The following ZNF827 variants were observed in gnomAD, a reference collection of about 807,000 sequenced individuals.
The protein encoded by ZNF827 is zinc finger protein 827.
ZNF827 carries 13 observed loss-of-function variants against 102.4 expected under a neutral mutation model. The observed-to-expected ratio is 0.13, with a 90% CI of 0.08 to 0.20. The LOEUF (loss-of-function observed/expected upper bound fraction) is 0.20, where lower values mean the gene tolerates loss of function less well. Among genes scored for constraint, ZNF827 ranks in the 10% least tolerant of loss-of-function variants. ZNF827 has a pLI of 1.00. For synonymous variants in ZNF827, 523 were observed against 536.2 expected (o/e 0.98, Z 0.34); for missense variants, 1,103 against 1,344.4 (o/e 0.82, Z 2.81).
chr4:145,860,958 T>C (rs930852469), intron 5 of ZNF827, among the ~76,000 whole-genome samples: 2 of 152,246 alleles, frequency 1.3e-5, no homozygotes, highest in Non-Finnish European at 2.9e-5. Context: ...TCTCAGACTA[T>C]ATGCATCTTC....
Position 145,938,798 on chromosome 4 carries a change from G to C in ZNF827, c.-391C>G, listed in dbSNP as rs961897167. Among the ~76,000 whole-genome samples, 5 of 151,834 alleles carry C rather than the reference G, an allele frequency of 3.3e-5. No individual in the cohort carries two copies. The highest frequency in any genetic ancestry group is 1.2e-4 in the African/African-American group (5 of 41,324). On this transcript the variant is annotated 5_prime_UTR_variant, in exon 1 of 15. Coordinates refer to ENST00000508784, the MANE Select transcript of ZNF827 (RefSeq NM_001306215.2). ...GGCGGTGTCTATGGCCGCGCTCTGT[G>C]TCTCCGAGCCCCTAACACTAATGTC...
rs1388689587 is a variant in ZNF827, at chr4:145,765,764, C to T, written c.2861-26G>A. On this transcript the variant is annotated intron_variant, in intron 11 of 14. Transcript: ENST00000508784. This position sits in a 1 kb window ranked among gnomAD's most constrained non-coding sequence, Gnocchi z 4.7. ...CTGAAAAATAAGCAAATAACCCAGT[C>T]TGTTAATGAGATGAAAATCCTCAGA... 6.2e-7 allele frequency: 1 copy of T among 1,604,402 alleles called. No homozygotes were observed. Among genetic ancestry groups the T allele is most frequent in the Non-Finnish European group, 8.5e-7 (1 of 1,174,862 alleles).
chr4:145,839,136 C>T (rs1258117858), intron 7 of ZNF827: 2 of 152,160 alleles, frequency 1.3e-5, no homozygotes, highest in Admixed American at 6.5e-5. Flanking sequence ...AGTATAAATG[C>T]CTCCTATTTC....
chr4:145,813,348 T>C (rs1428822356), intron 8 of ZNF827, among the ~76,000 whole-genome samples: 4 of 152,200 alleles, frequency 2.6e-5, no homozygotes, highest in African/African-American at 9.7e-5. Context: ...TTTATTATAG[T>C]ATGTTGTTAT....
At chr4:145,861,785 T>A (rs1228285261) in intron 5 of ZNF827, among the ~76,000 whole-genome samples, 4 of 152,096 alleles carry the variant, frequency 2.6e-5, no homozygotes, top group Non-Finnish European at 4.4e-5. Flanking sequence ...AGAAAAGGAA[T>A]CTACGATGAA....
At chr4:145,915,624 G>C (rs1752613078) in intron 1 of ZNF827, among the ~76,000 whole-genome samples, 1 of 152,170 alleles carries the variant, frequency 6.6e-6, no homozygotes, top group Admixed American at 6.5e-5. Context: ...TCAAACCACA[G>C]CATTCCACCC....
intron 4 of ZNF827, among the ~76,000 whole-genome samples, chr4:145,878,922 G>C (rs945205252): frequency 1.2e-4 from 18 of 152,040 alleles, no homozygotes; most frequent in African/African-American, 4.1e-4. Flanking sequence ...AGCTGGAGGG[G>C]CAACTTCTAG....
At chr4:145,798,535 GTGTACC>G (rs1431052716) in intron 8 of ZNF827, among the ~76,000 whole-genome samples, 1 of 152,118 alleles carries the variant, frequency 6.6e-6, no homozygotes, top group Non-Finnish European at 1.5e-5. Flanking sequence ...GTGTGGTGGC[GTGTACC>G]TGTATTCCTG....
intron 7 of ZNF827, among the ~76,000 whole-genome samples, chr4:145,838,307 C>T (rs1224024081): frequency 6.6e-6 from 1 of 152,148 alleles, no homozygotes; most frequent in Non-Finnish European, 1.5e-5. Context: ...TTGCGACCCC[C>T]ACTCCTGCCC....
At chr4:145,776,315 G>A (rs1737074223) in intron 9 of ZNF827, among the ~76,000 whole-genome samples, 1 of 152,054 alleles carries the variant, frequency 6.6e-6, no homozygotes, top group Admixed American at 6.6e-5. Flanking sequence ...TAAAAAATTA[G>A]TCAGGTGTGG....
chr4:145,920,105 G>A (rs949806433), intron 1 of ZNF827, among the ~76,000 whole-genome samples: 1 of 152,186 alleles, frequency 6.6e-6, no homozygotes, highest in African/African-American at 2.4e-5. Context: ...CAGAGTTGAC[G>A]CTTAGTGAAT....
At chr4:145,851,732 C>T (rs1746555583) in intron 5 of ZNF827, among the ~76,000 whole-genome samples, 1 of 152,132 alleles carries the variant, frequency 6.6e-6, no homozygotes, top group African/African-American at 2.4e-5. Flanking sequence ...TGTTTTTTCT[C>T]TTCATGTCTG....
intron 2 of ZNF827, among the ~76,000 whole-genome samples, chr4:145,897,402 G>A (rs1295404487): frequency 6.6e-6 from 1 of 152,170 alleles, no homozygotes; most frequent in Admixed American, 6.5e-5. Flanking sequence ...TGGTTTCTGC[G>A]TATATACCTT....
intron 7 of ZNF827, among the ~76,000 whole-genome samples, chr4:145,838,373 A>C (rs1055626946): frequency 4.6e-5 from 7 of 152,060 alleles, no homozygotes; most frequent in Non-Finnish European, 1.0e-4. Context: ...CAAAACCTAT[A>C]AAACGGCCCC....
At chr4:145,850,912 G>A (rs1270085152) in intron 5 of ZNF827, among the ~76,000 whole-genome samples, 1 of 152,216 alleles carries the variant, frequency 6.6e-6, no homozygotes, top group Non-Finnish European at 1.5e-5. Flanking sequence ...GGTCCTTGCA[G>A]ATGTGATTAA....
At chr4:145,871,745 G>A (rs1748703850) in intron 4 of ZNF827, among the ~76,000 whole-genome samples, 1 of 152,106 alleles carries the variant, frequency 6.6e-6, no homozygotes, top group Admixed American at 6.5e-5. Flanking sequence ...CAATACTCAA[G>A]CACAAAGTCT....
chr4:145,785,811 G>C (rs771769149), intron 8 of ZNF827, among the ~76,000 whole-genome samples: 1 of 152,066 alleles, frequency 6.6e-6, no homozygotes, highest in Non-Finnish European at 1.5e-5. Context: ...AACAAAGGAG[G>C]GATTTTTCTT....
intron 1 of ZNF827, among the ~76,000 whole-genome samples, chr4:145,938,132 T>C (rs1007493578): frequency 2.6e-3 from 296 of 112,044 alleles, no homozygotes; most frequent in African/African-American, 9.4e-3. Flanking sequence ...AGGGGGGGGG[T>C]GAGAGAAAGA....
At chr4:145,784,069 G>A (rs895622566) in intron 8 of ZNF827, among the ~76,000 whole-genome samples, 3 of 152,102 alleles carry the variant, frequency 2.0e-5, no homozygotes, top group African/African-American at 4.8e-5. Flanking sequence ...TGTAACATGT[G>A]CCTGCTTCCC....
Sources: allele counts gnomAD v4.1 joint callset (sites outside exome capture counted in the v4.1 genomes callset), GRCh38; gene constraint gnomAD v4.1.1; non-coding constraint Gnocchi (gnomAD v3.1); transcripts MANE v1.5; gene names NCBI Gene and HGNC (gene_info 2026-07-23, HGNC 2026-07-21).